Variants in NALF1 observed in about 807,000 individuals in gnomAD.
The protein encoded by NALF1 is family with sequence similarity 155 member A.
Under a neutral mutation model 48.4 loss-of-function variants are expected in NALF1, and 3 were observed. That is an observed-to-expected ratio of 0.06 (90% CI 0.03 to 0.16). The LOEUF is 0.16. Among genes scored for constraint, NALF1 ranks in the 10% least tolerant of loss-of-function variants. The pLI, the probability that NALF1 is intolerant of heterozygous loss-of-function variation, is 1.00. For missense variants in NALF1, 526 were observed against 571.5 expected (o/e 0.92, Z 0.81); for synonymous variants, 262 against 245.7 (o/e 1.07, Z -0.62).
chr13:107,184,818 C>T (rs979536405), intron 2 of NALF1, among the ~76,000 whole-genome samples: 1 of 152,042 alleles, frequency 6.6e-6, no homozygotes. Context: ...TTATTAGCAT[C>T]CATATTTAAT....
intron 1 of NALF1, among the ~76,000 whole-genome samples, chr13:107,820,665 G>T (rs1247260652): frequency 6.6e-6 from 1 of 152,054 alleles, no homozygotes; most frequent in Non-Finnish European, 1.5e-5. Flanking sequence ...TCTTTCCTTT[G>T]TGCTTAAATG....
intron 1 of NALF1, among the ~76,000 whole-genome samples, chr13:107,717,727 C>CA (rs748955069): frequency 2.0e-5 from 3 of 152,088 alleles, no homozygotes; most frequent in Non-Finnish European, 4.4e-5. Flanking sequence ...GAAAGTAAGG[C>CA]AGCACCCTCC....
chr13:107,297,025 ATTAT>A (rs888760150), intron 1 of NALF1, among the ~76,000 whole-genome samples: 4 of 151,932 alleles, frequency 2.6e-5, no homozygotes, highest in East Asian at 1.9e-4. Flanking sequence ...TTTTTATTTT[ATTAT>A]TTATTTATTT....
At chr13:107,482,057 T>A (rs910054802) in intron 1 of NALF1, among the ~76,000 whole-genome samples, 1 of 152,138 alleles carries the variant, frequency 6.6e-6, no homozygotes, top group Non-Finnish European at 1.5e-5. Flanking sequence ...GATGTCACTG[T>A]GAAAGTATTT....
intron 1 of NALF1, among the ~76,000 whole-genome samples, chr13:107,333,836 A>AT (rs1370632764): frequency 6.6e-6 from 1 of 152,174 alleles, no homozygotes; most frequent in Non-Finnish European, 1.5e-5. Flanking sequence ...AGATGGAATC[A>AT]TTTCTGTTCA....
chr13:107,725,669 A>T (rs577837663), intron 1 of NALF1, among the ~76,000 whole-genome samples: 9 of 150,784 alleles, frequency 6.0e-5, no homozygotes, highest in Non-Finnish European at 1.0e-4. Context: ...TAGGTGACAG[A>T]GCAAGACTCT....
intron 1 of NALF1, among the ~76,000 whole-genome samples, chr13:107,858,198 C>T (rs1257749511): frequency 2.6e-5 from 4 of 151,972 alleles, no homozygotes; most frequent in South Asian, 2.1e-4. Flanking sequence ...GCTATATCAT[C>T]GAAAAATGTT....
chr13:107,385,492 G>A (rs1284767390), intron 1 of NALF1, among the ~76,000 whole-genome samples: 1 of 145,702 alleles, frequency 6.9e-6, no homozygotes, highest in Non-Finnish European at 1.5e-5. Context: ...GGTGGAGGTT[G>A]CAGTGAGCCA....
intron 1 of NALF1, among the ~76,000 whole-genome samples, chr13:107,777,636 C>T (rs1454278160): frequency 2.6e-5 from 4 of 152,298 alleles, no homozygotes; most frequent in African/African-American, 9.6e-5. Context: ...CCTGAGGCCT[C>T]CCCACAAGCT....
chr13:107,770,082 T>C (rs930939466), intron 1 of NALF1, among the ~76,000 whole-genome samples: 8 of 152,054 alleles, frequency 5.3e-5, no homozygotes, highest in Non-Finnish European at 1.2e-4. Context: ...CCGGCTAATT[T>C]TTTGTATTTT....
In NALF1 at chr13:107,169,651, CTTTTA is replaced by C. The variant is rs568390425; in HGVS notation, c.*841_*845del. On this transcript the variant is annotated 3_prime_UTR_variant, in exon 3 of 3. Coordinates refer to ENST00000375915, the MANE Select transcript of NALF1 (RefSeq NM_001080396.3). ...CATGATAGTTTTTTTTAATTTTTTC[CTTTTA>C]TTTTGTTTTCAACATAAAAATGTGT... The C allele has an allele frequency of 3.6e-3, 548 of 152,492 alleles. 4 individuals are homozygous for C. The highest frequency in any genetic ancestry group is 5.3e-3 in the Non-Finnish European group (362 of 68,022). 9.4% of individuals were successfully genotyped at this position (152,492 alleles called of 1,614,324 possible). A position where few individuals can be genotyped will look rare whatever the true frequency, so the allele number is the denominator to read the frequency against.
intron 1 of NALF1, among the ~76,000 whole-genome samples, chr13:107,578,382 A>C (rs1473429280): frequency 1.3e-5 from 2 of 152,188 alleles, no homozygotes; most frequent in African/African-American, 4.8e-5. Context: ...ATGTGTGTCA[A>C]ATTTCAATTC....
chr13:107,446,145 G>A (rs542732225), intron 1 of NALF1, among the ~76,000 whole-genome samples: 50 of 152,098 alleles, frequency 3.3e-4, no homozygotes, highest in Middle Eastern at 3.4e-3. Flanking sequence ...CACCATGTTC[G>A]CCAGGATGGT....
chr13:107,865,144 C>T (rs1439279046), intron 1 of NALF1, among the ~76,000 whole-genome samples: 1 of 152,192 alleles, frequency 6.6e-6, no homozygotes, highest in Admixed American at 6.5e-5. Flanking sequence ...TTCTGAACAA[C>T]CAGAACTACC....
At chr13:107,471,105 C>T (rs1885093175) in intron 1 of NALF1, among the ~76,000 whole-genome samples, 1 of 152,158 alleles carries the variant, frequency 6.6e-6, no homozygotes, top group African/African-American at 2.4e-5. Context: ...AGCTGGCCAT[C>T]CTACTGGAGA....
At chr13:107,245,643 G>GA (rs999242075) in intron 1 of NALF1, among the ~76,000 whole-genome samples, 1 of 152,126 alleles carries the variant, frequency 6.6e-6, no homozygotes, top group Non-Finnish European at 1.5e-5. Context: ...ATAAGAGGCT[G>GA]AAAAAATCAT....
intron 2 of NALF1, among the ~76,000 whole-genome samples, chr13:107,184,788 T>A (rs1414513413): frequency 6.6e-6 from 1 of 152,192 alleles, no homozygotes; most frequent in Non-Finnish European, 1.5e-5. Context: ...CCTGTTTTCC[T>A]TTTTTATGTC....
chr13:107,316,883 T>C (rs1173632315), intron 1 of NALF1, among the ~76,000 whole-genome samples: 2 of 152,092 alleles, frequency 1.3e-5, no homozygotes, highest in East Asian at 3.9e-4. Context: ...CTTTTACATA[T>C]ACACTGGTCA....
At chr13:107,530,559 G>C (rs1876594957) in intron 1 of NALF1, among the ~76,000 whole-genome samples, 2 of 151,970 alleles carry the variant, frequency 1.3e-5, no homozygotes, top group African/African-American at 4.8e-5. Flanking sequence ...GATCATTTTA[G>C]TATATTCATA....
Sources: allele counts gnomAD v4.1 joint callset (sites outside exome capture counted in the v4.1 genomes callset), GRCh38; gene constraint gnomAD v4.1.1; transcripts MANE v1.5; gene names NCBI Gene and HGNC (gene_info 2026-07-23, HGNC 2026-07-21).